The following STARD13 variants were observed in gnomAD, a reference collection of about 807,000 sequenced individuals.
The protein encoded by STARD13 is stAR-related lipid transfer protein 13.
A neutral mutation model predicts 106.4 loss-of-function variants in STARD13; 62 were observed. The observed-to-expected ratio is 0.58, with a 90% CI of 0.48 to 0.72. The LOEUF (loss-of-function observed/expected upper bound fraction) is 0.72. Ranked by LOEUF, STARD13 falls within the 30% of genes least tolerant of loss-of-function variation. The pLI is 0.00. For missense variants in STARD13, 1,387 were observed against 1,424.0 expected, an observed-to-expected ratio of 0.97 and a Z score of 0.42; for synonymous variants, 565 against 553.0, an observed-to-expected ratio of 1.02 and a Z score of -0.31.
At position 33,168,656 on chromosome 13, in the gene STARD13, G is replaced by C. The variant is rs998203194; in HGVS notation, c.170-1034C>G. On this transcript the variant is annotated intron_variant, in intron 1 of 13. Coordinates refer to ENST00000336934, the MANE Select transcript of STARD13 (RefSeq NM_178006.4). The stretch of plus-strand genomic sequence containing the variant: ...AGGTCATTGTATTTCCATTTACTAT[G>C]ATGCTAATTTTTCCCCATAGCCAAA... 5.3e-5 allele frequency among the ~76,000 whole-genome samples: 8 copies of C among 152,170 alleles called. No individual in the cohort carries two copies. In the East Asian group the frequency reaches 1.5e-3, roughly 29 times the overall value.
chr13:33,242,936 A>G (rs1889604997), intron 1 of STARD13, among the ~76,000 whole-genome samples: 1 of 152,052 alleles, frequency 6.6e-6, no homozygotes, highest in Non-Finnish European at 1.5e-5. Context: ...GCAGGTATAT[A>G]TTACTTCTCA....
intron 1 of STARD13, chr13:33,281,116 C>G (rs1225873917): frequency 6.6e-6 from 1 of 152,026 alleles, no homozygotes; most frequent in African/African-American, 2.4e-5. Flanking sequence ...ATTCCAGAAC[C>G]TGAGACACAG....
At chr13:33,325,523 T>C (rs2077763496) in intron 1 of STARD13, among the ~76,000 whole-genome samples, 2 of 152,324 alleles carry the variant, frequency 1.3e-5, no homozygotes, top group Admixed American at 1.3e-4. Context: ...GAATTTTTTT[T>C]TATCCCCTTC....
At chr13:33,563,335 A>T in the STARD13 span, among the ~76,000 whole-genome samples, 1 of 147,242 alleles carries the variant, frequency 6.8e-6, no homozygotes, top group African/African-American at 2.5e-5. Context: ...AATAGACTAT[A>T]AAGCTATAGT....
At chr13:33,313,873 T>C (rs768754665) in intron 1 of STARD13, among the ~76,000 whole-genome samples, 1 of 152,214 alleles carries the variant, frequency 6.6e-6, no homozygotes, top group Non-Finnish European at 1.5e-5. Flanking sequence ...ATCATCGTCT[T>C]TTCCCAAGCA....
the STARD13 span, among the ~76,000 whole-genome samples, chr13:33,468,443 G>T: frequency 6.6e-6 from 1 of 152,182 alleles, no homozygotes; most frequent in African/African-American, 2.4e-5. Context: ...GAGAGGTGAG[G>T]CTTCATGGAA....
the STARD13 span, among the ~76,000 whole-genome samples, chr13:33,434,049 C>T: frequency 2.6e-5 from 4 of 152,114 alleles, no homozygotes; most frequent in African/African-American, 9.7e-5. Flanking sequence ...GAAAGGTACA[C>T]AGTCTTAGAA....
At chr13:33,163,019 A>G (rs1436283165) in intron 3 of STARD13, among the ~76,000 whole-genome samples, 5 of 152,196 alleles carry the variant, frequency 3.3e-5, no homozygotes, top group Non-Finnish European at 7.3e-5. Flanking sequence ...ACAGTTCCAC[A>G]TGGCTGGGGA....
chr13:33,559,727 T>G, the STARD13 span, among the ~76,000 whole-genome samples: 6 of 151,354 alleles, frequency 4.0e-5, no homozygotes, highest in Non-Finnish European at 5.9e-5. Context: ...TGTGGTGGCA[T>G]GCGCCTGTAG....
intron 1 of STARD13, among the ~76,000 whole-genome samples, chr13:33,314,872 C>T (rs190774236): frequency 1.3e-5 from 2 of 152,258 alleles, no homozygotes; most frequent in African/African-American, 4.8e-5. Context: ...ATTTTATAAT[C>T]TCTGTACCTG....
chr13:33,188,924 G>A (rs143087173), intron 1 of STARD13, among the ~76,000 whole-genome samples: 116 of 152,154 alleles, frequency 7.6e-4, no homozygotes, highest in African/African-American at 1.0e-3. Flanking sequence ...ATTATTTTCC[G>A]GCTAACTTTG....
chr13:33,583,659 A>G, the STARD13 span, among the ~76,000 whole-genome samples: 1 of 152,286 alleles, frequency 6.6e-6, no homozygotes, highest in East Asian at 1.9e-4. Context: ...GTCCCAAAAG[A>G]CACAAAACAT....
chr13:33,283,445 A>G (rs929195028), intron 1 of STARD13, among the ~76,000 whole-genome samples: 2 of 152,220 alleles, frequency 1.3e-5, no homozygotes, highest in South Asian at 2.1e-4. Context: ...AAAAAAATTA[A>G]CTACAATGAT....
the STARD13 span, among the ~76,000 whole-genome samples, chr13:33,431,965 G>A: frequency 0.27 from 41,746 of 152,094 alleles, 6,362 homozygotes; most frequent in Non-Finnish European, 0.35. Flanking sequence ...AAAGTTCAGC[G>A]GAGGACTTGG....
intron 1 of STARD13, chr13:33,275,889 A>G (rs2321167): frequency 0.32 from 48,679 of 152,130 alleles, 8,066 homozygotes; most frequent in African/African-American, 0.37. Context: ...CTACCATGTC[A>G]TGTGCTGCTC....
At chr13:33,478,901 G>A in the STARD13 span, among the ~76,000 whole-genome samples, 1 of 152,078 alleles carries the variant, frequency 6.6e-6, no homozygotes, top group African/African-American at 2.4e-5. Context: ...GGGTGACAGA[G>A]GAAGACCCTG....
At chr13:33,278,670 G>A (rs992416861) in intron 1 of STARD13, 1 of 152,068 alleles carries the variant, frequency 6.6e-6, no homozygotes, top group African/African-American at 2.4e-5. Flanking sequence ...ATCTTGGCTG[G>A]TAAGTTCTTA....
intron 1 of STARD13, among the ~76,000 whole-genome samples, chr13:33,325,924 G>A (rs999459049): frequency 2.1e-5 from 3 of 145,358 alleles, no homozygotes; most frequent in Non-Finnish European, 4.5e-5. Context: ...GGCGGAGCTT[G>A]CAGTGAGCCG....
the STARD13 span, among the ~76,000 whole-genome samples, chr13:33,520,931 C>T: frequency 1.1e-4 from 17 of 152,108 alleles, no homozygotes; most frequent in Admixed American, 2.0e-4. Context: ...CTTACAAAGC[C>T]TCCAGATATT....
Sources: gnomAD v4.1 joint callset for allele counts (sites outside exome capture counted in the v4.1 genomes callset) on GRCh38, gnomAD v4.1.1 for gene constraint, MANE v1.5 for transcripts, NCBI Gene and HGNC (gene_info 2026-07-23, HGNC 2026-07-21) for gene names.